The following GSTCD variants were observed in gnomAD, a reference collection of about 807,000 sequenced individuals.
The protein encoded by GSTCD is glutathione S-transferase C-terminal domain containing.
In GSTCD, 44 loss-of-function variants were observed where a neutral mutation model predicts 68.3. The ratio of observed to expected loss-of-function variants is 0.64; its 90% CI spans 0.51 to 0.83. The LOEUF is 0.83. Among genes scored for constraint, GSTCD ranks in the 40% least tolerant of loss-of-function variants. GSTCD has a pLI of 0.00. For synonymous variants in GSTCD, 273 were observed against 255.2 expected (o/e 1.07, Z -0.67); for missense variants, 739 against 735.9 (o/e 1.00, Z -0.05).
intron 5 of GSTCD, among the ~76,000 whole-genome samples, chr4:105,812,849 GAAAT>G (rs1362985098): frequency 2.0e-5 from 3 of 152,002 alleles, no homozygotes. Context: ...AAAAACAGAT[GAAAT>G]AAATACAGAG....
intron 5 of GSTCD, among the ~76,000 whole-genome samples, chr4:105,749,912 A>G (rs893763189): frequency 5.3e-5 from 8 of 152,292 alleles, no homozygotes; most frequent in African/African-American, 1.9e-4. Flanking sequence ...TGCAAACCAC[A>G]AATATTCACA....
intron 5 of GSTCD, among the ~76,000 whole-genome samples, chr4:105,731,230 A>G (rs563536520): frequency 1.1e-4 from 16 of 152,244 alleles, no homozygotes; most frequent in Non-Finnish European, 2.1e-4. Context: ...TTTTGGTTCC[A>G]TATGAACTTT....
intron 3 of GSTCD, among the ~76,000 whole-genome samples, chr4:105,720,491 A>G (rs539864201): frequency 6.6e-6 from 1 of 152,212 alleles, no homozygotes; most frequent in Non-Finnish European, 1.5e-5. Flanking sequence ...TTTGCTTCAC[A>G]AGTAAACTCG....
intron 5 of GSTCD, among the ~76,000 whole-genome samples, chr4:105,776,430 G>A (rs771536134): frequency 1.1e-4 from 16 of 152,124 alleles, no homozygotes; most frequent in Admixed American, 6.5e-4. Context: ...CCAAACAGCC[G>A]CCCAGTTTTG....
At chr4:105,724,470 T>C (rs1279437653) in intron 3 of GSTCD, among the ~76,000 whole-genome samples, 2 of 151,924 alleles carry the variant, frequency 1.3e-5, no homozygotes, top group Non-Finnish European at 2.9e-5. Context: ...TTTTCTCTTT[T>C]ATCTTTTTAC....
At chr4:105,761,456 A>G (rs1734408740) in intron 5 of GSTCD, 1 of 152,172 alleles carries the variant, frequency 6.6e-6, no homozygotes, top group African/African-American at 2.4e-5. Context: ...GTCTATTAAA[A>G]TAGTAGAATT....
chr4:105,756,520 AC>A (rs1734199370), intron 5 of GSTCD, among the ~76,000 whole-genome samples: 1 of 146,626 alleles, frequency 6.8e-6, no homozygotes, highest in Non-Finnish European at 1.5e-5. Flanking sequence ...ACACACACAC[AC>A]ACACACGTAT....
At chr4:105,711,509 A>G (rs1732536338) in intron 1 of GSTCD, among the ~76,000 whole-genome samples, 1 of 152,240 alleles carries the variant, frequency 6.6e-6, no homozygotes, top group Non-Finnish European at 1.5e-5. Flanking sequence ...GGTTTTGCCC[A>G]TCAAGGTTTG....
At chr4:105,785,270 A>G (rs906289477) in intron 5 of GSTCD, among the ~76,000 whole-genome samples, 2 of 152,238 alleles carry the variant, frequency 1.3e-5, no homozygotes, top group Admixed American at 1.3e-4. Flanking sequence ...TCACAGGAAA[A>G]GAAAACAGAG....
intron 5 of GSTCD, among the ~76,000 whole-genome samples, chr4:105,775,387 C>A (rs928721345): frequency 1.3e-5 from 2 of 152,090 alleles, no homozygotes; most frequent in African/African-American, 2.4e-5. Context: ...AGTTTTGTTC[C>A]CTTGCTGGCG....
intron 5 of GSTCD, among the ~76,000 whole-genome samples, chr4:105,752,142 T>TTC (rs1239232860): frequency 2.0e-5 from 3 of 152,150 alleles, no homozygotes; most frequent in Non-Finnish European, 4.4e-5. Flanking sequence ...CTTACTGGGT[T>TTC]TCTCTCTCTC....
At chr4:105,828,131 A>G (rs1311052412) in intron 8 of GSTCD, among the ~76,000 whole-genome samples, 1 of 152,174 alleles carries the variant, frequency 6.6e-6, no homozygotes, top group Non-Finnish European at 1.5e-5. Flanking sequence ...TTCTAACAGT[A>G]TTGGCGAATC....
chr4:105,813,689 C>G (rs1372979029), intron 5 of GSTCD, among the ~76,000 whole-genome samples: 1 of 152,178 alleles, frequency 6.6e-6, no homozygotes, highest in Non-Finnish European at 1.5e-5. Flanking sequence ...ATCCCTAGCT[C>G]TTTTCTACCT....
intron 8 of GSTCD, among the ~76,000 whole-genome samples, chr4:105,829,838 C>T (rs909467947): frequency 2.6e-5 from 4 of 150,984 alleles, no homozygotes; most frequent in South Asian, 2.1e-4. Flanking sequence ...AAAGAGGGAA[C>T]GATCAGAGAA....
intron 5 of GSTCD, among the ~76,000 whole-genome samples, chr4:105,781,748 T>G (rs940913079): frequency 1.3e-5 from 2 of 152,034 alleles, no homozygotes; most frequent in African/African-American, 4.8e-5. Context: ...TTTTGGAATA[T>G]TTTTGCACTT....
chr4:105,804,095 A>G (rs1314451363), intron 5 of GSTCD, among the ~76,000 whole-genome samples: 1 of 152,008 alleles, frequency 6.6e-6, no homozygotes, highest in Admixed American at 6.6e-5. Flanking sequence ...TGAACCAAAA[A>G]AACTGGTTCT....
chr4:105,772,744 C>G (rs751569324), intron 5 of GSTCD, among the ~76,000 whole-genome samples: 1 of 152,154 alleles, frequency 6.6e-6, no homozygotes, highest in African/African-American at 2.4e-5. Context: ...TGATGTGCTA[C>G]TGGATTTGGT....
chr4:105,753,947 GT>G, intron 5 of GSTCD, among the ~76,000 whole-genome samples: 1 of 151,684 alleles, frequency 6.6e-6, no homozygotes, highest in East Asian at 1.9e-4. Context: ...AATCCTCGAC[GT>G]TGCTAAACTT....
intron 5 of GSTCD, among the ~76,000 whole-genome samples, chr4:105,789,613 A>T (rs990407136): frequency 2.6e-5 from 4 of 152,004 alleles, no homozygotes; most frequent in African/African-American, 9.7e-5. Flanking sequence ...TGCCATGGAG[A>T]AAGCAAGCCA....
Sources: gnomAD v4.1 joint callset for allele counts (sites outside exome capture counted in the v4.1 genomes callset) on GRCh38, gnomAD v4.1.1 for gene constraint, MANE v1.5 for transcripts, NCBI Gene and HGNC (gene_info 2026-07-23, HGNC 2026-07-21) for gene names.